The following CDKAL1 variants were observed in gnomAD, a reference collection of about 807,000 sequenced individuals.
CDKAL1 encodes the protein CDKAL1 threonylcarbamoyladenosine tRNA methylthiotransferase.
A neutral mutation model predicts 68.2 loss-of-function variants in CDKAL1; 32 were observed. The observed-to-expected ratio is 0.47, with a 90% CI of 0.35 to 0.63. The LOEUF is 0.63. Among genes scored for constraint, CDKAL1 ranks in the 30% least tolerant of loss-of-function variants. CDKAL1 has a pLI of 0.00. For synonymous variants in CDKAL1, 234 were observed against 244.3 expected (o/e 0.96, Z 0.39); for missense variants, 606 against 696.7 (o/e 0.87, Z 1.47).
At chr6:20,912,070 T>C (rs1762492386) in intron 9 of CDKAL1, among the ~76,000 whole-genome samples, 1 of 152,208 alleles carries the variant, frequency 6.6e-6, no homozygotes, top group Admixed American at 6.5e-5. Context: ...TGGTGGTTGA[T>C]GTACCCAGGA....
At position 20,871,188 on chromosome 6, in the gene CDKAL1, A is replaced by C. The variant is rs1303901342; in HGVS notation, c.742+25010A>C. 2.0e-5 allele frequency among the ~76,000 whole-genome samples: 3 copies of C among 152,184 alleles called. No homozygotes were observed. In the East Asian group the frequency reaches 5.8e-4, roughly 29 times the overall value. Reference sequence around the variant, plus strand: ...AAAATAAAATTCATAGGATTAAAAGAAAGCAAGTTATATTGAAATAGCGTT... The same window carrying C: ...AAAATAAAATTCATAGGATTAAAAGCAAGCAAGTTATATTGAAATAGCGTT... On this transcript the variant is annotated intron_variant, in intron 9 of 15. Coordinates refer to ENST00000274695, the MANE Select transcript of CDKAL1 (RefSeq NM_017774.3).
At chr6:21,194,665 C>G (rs1778395924) in intron 13 of CDKAL1, among the ~76,000 whole-genome samples, 1 of 152,168 alleles carries the variant, frequency 6.6e-6, no homozygotes, top group Non-Finnish European at 1.5e-5. Flanking sequence ...ACACGGCTAC[C>G]ATATGGGGTG....
intron 4 of CDKAL1, among the ~76,000 whole-genome samples, chr6:20,609,511 T>C (rs1031941475): frequency 6.6e-6 from 1 of 151,408 alleles, no homozygotes; most frequent in Non-Finnish European, 1.5e-5. Context: ...TTCTCCTGCC[T>C]CAGCCTCCCG....
chr6:20,618,560 G>A (rs927597973), intron 4 of CDKAL1, among the ~76,000 whole-genome samples: 8 of 152,176 alleles, frequency 5.3e-5, no homozygotes, highest in African/African-American at 1.7e-4. Context: ...CTAGAAATTG[G>A]TAACATTTTG....
At chr6:20,801,238 C>T (rs781300077) in intron 8 of CDKAL1, among the ~76,000 whole-genome samples, 2 of 152,162 alleles carry the variant, frequency 1.3e-5, no homozygotes, top group Non-Finnish European at 2.9e-5. Context: ...ATTCTTTCAT[C>T]TTGGGTTTTT....
At chr6:20,899,997 C>T (rs9368255) in intron 9 of CDKAL1, among the ~76,000 whole-genome samples, 146,009 of 152,324 alleles carry the variant, frequency 0.96, 69,989 homozygotes, top group East Asian at 1. Context: ...GTGTCTGCTT[C>T]AAGCATTGAT....
At chr6:20,814,824 CTTTT>C (rs1561800503) in intron 8 of CDKAL1, among the ~76,000 whole-genome samples, 1 of 152,150 alleles carries the variant, frequency 6.6e-6, no homozygotes, top group African/African-American at 2.4e-5. Context: ...CTCCAGAGTT[CTTTT>C]AAGCTTGTTC....
chr6:21,047,107 A>G (rs192226883), intron 11 of CDKAL1, among the ~76,000 whole-genome samples: 2 of 145,334 alleles, frequency 1.4e-5, no homozygotes, highest in Admixed American at 1.4e-4. Flanking sequence ...TTTTTTTTTT[A>G]AGAGATGGAG....
intron 10 of CDKAL1, among the ~76,000 whole-genome samples, chr6:20,959,546 A>G (rs1035707833): frequency 2.7e-5 from 4 of 149,976 alleles, no homozygotes; most frequent in African/African-American, 9.9e-5. Flanking sequence ...TCTCCTCTAT[A>G]TCTTTTTTTT....
chr6:20,754,002 C>T (rs1443765912), intron 6 of CDKAL1, among the ~76,000 whole-genome samples: 7 of 142,754 alleles, frequency 4.9e-5, no homozygotes, highest in Non-Finnish European at 1.6e-5. Context: ...TTTTAAGAGA[C>T]AGGGTCTCAC....
chr6:20,972,175 T>A (rs758573545), intron 10 of CDKAL1, among the ~76,000 whole-genome samples: 8 of 152,202 alleles, frequency 5.3e-5, no homozygotes, highest in Non-Finnish European at 1.2e-4. Flanking sequence ...CTGTAAATAA[T>A]ACAGTGTAAA....
intron 5 of CDKAL1, among the ~76,000 whole-genome samples, chr6:20,674,802 AGTGAGAAGATGCAGCATTT>A (rs1294484096): frequency 6.6e-6 from 1 of 152,172 alleles, no homozygotes; most frequent in African/African-American, 2.4e-5. Context: ...CTCACACATG[AGTGAGAAGATGCAGCATTT>A]GTCTTTCTGT....
intron 10 of CDKAL1, among the ~76,000 whole-genome samples, chr6:20,974,136 T>C (rs571789736): frequency 6.6e-5 from 10 of 152,348 alleles, no homozygotes; most frequent in African/African-American, 2.4e-4. Flanking sequence ...GTCTTCAGTG[T>C]GTGCCTTCCC....
rs542002763 is a variant in CDKAL1 at position 20,909,881 on chromosome 6, T to G, written c.743-45538T>G. On this transcript the variant is annotated intron_variant, in intron 9 of 15. Transcript: ENST00000274695. ...CATAGTGTACTATGAGTTTAGCGGG[T>G]TTGCACCTGGCATTGGAATAAGCCC... 2.0e-5 allele frequency among the ~76,000 whole-genome samples: 3 copies of G among 152,198 alleles called. No individual in the cohort carries two copies. In the South Asian group the frequency reaches 6.2e-4, roughly 32 times the overall value.
chr6:20,724,866 T>A (rs9356748), intron 5 of CDKAL1, among the ~76,000 whole-genome samples: 22,741 of 152,152 alleles, frequency 0.15, 1,989 homozygotes, highest in East Asian at 0.46. Flanking sequence ...AATATAAGTA[T>A]CTCATAAACC....
chr6:21,015,427 A>G (rs760186547), intron 11 of CDKAL1, among the ~76,000 whole-genome samples: 3 of 152,180 alleles, frequency 2.0e-5, no homozygotes, highest in Non-Finnish European at 4.4e-5. Context: ...TTATAATTCA[A>G]CTGTCCAACA....
chr6:20,617,948 G>T (rs542742607), intron 4 of CDKAL1, among the ~76,000 whole-genome samples: 15 of 152,122 alleles, frequency 9.9e-5, no homozygotes, highest in Non-Finnish European at 2.2e-4. Context: ...TGGGATCGCT[G>T]GGTCAAACAA....
intron 9 of CDKAL1, among the ~76,000 whole-genome samples, chr6:20,917,632 A>T (rs1418594668): frequency 1.3e-5 from 2 of 151,814 alleles, no homozygotes; most frequent in Non-Finnish European, 1.5e-5. Flanking sequence ...CAGTGTGTAA[A>T]TTTTTTTCCC....
intron 5 of CDKAL1, among the ~76,000 whole-genome samples, chr6:20,725,334 T>C (rs1367134300): frequency 1.3e-5 from 2 of 152,250 alleles, no homozygotes; most frequent in Non-Finnish European, 2.9e-5. Flanking sequence ...TTAATCCCTT[T>C]AAGAATGGAG....
Sources: allele counts gnomAD v4.1 joint callset (sites outside exome capture counted in the v4.1 genomes callset), GRCh38; gene constraint gnomAD v4.1.1; transcripts MANE v1.5; gene names NCBI Gene and HGNC (gene_info 2026-07-23, HGNC 2026-07-21).